Variants in CCDC3 observed in about 807,000 individuals in gnomAD.
CCDC3 encodes coiled-coil domain-containing protein 3.
A neutral mutation model predicts 21.4 loss-of-function variants in CCDC3; 24 were observed. That is an observed-to-expected ratio of 1.12 (90% CI 0.81 to 1.58). The LOEUF (loss-of-function observed/expected upper bound fraction) is 1.58, where lower values mean the gene tolerates loss of function less well. CCDC3 is among the 40% of genes most tolerant of loss of function. The pLI is 0.00. For synonymous variants in CCDC3, 186 were observed against 166.0 expected (o/e 1.12, Z -0.93); for missense variants, 425 against 360.9 (o/e 1.18, Z -1.44).
At chr10:13,048,708 T>C (rs1358498708) in intron 5 of CCDC3, among the ~76,000 whole-genome samples, 1 of 152,096 alleles carries the variant, frequency 6.6e-6, no homozygotes, top group Admixed American at 6.5e-5. Flanking sequence ...ATGAGTCAAC[T>C]TGGCAGGTCG....
intron 3 of CCDC3, among the ~76,000 whole-genome samples, chr10:13,077,439 G>C (rs961151147): frequency 5.3e-5 from 8 of 152,230 alleles, no homozygotes; most frequent in African/African-American, 1.9e-4. Flanking sequence ...ACTGCCCAAG[G>C]TAATTTATAG....
chr10:12,923,514 C>T (rs1387712040), intron 2 of CCDC3, among the ~76,000 whole-genome samples: 1 of 151,580 alleles, frequency 6.6e-6, no homozygotes, highest in Non-Finnish European at 1.5e-5. Context: ...CCCCTGACTG[C>T]CTGAAACCCA....
chr10:12,995,893 G>A (rs911428598), intron 2 of CCDC3, among the ~76,000 whole-genome samples: 12 of 152,282 alleles, frequency 7.9e-5, no homozygotes, highest in African/African-American at 2.6e-4. Flanking sequence ...CCAAATGATG[G>A]AAAAATCTAA....
chr10:13,084,433 G>A (rs1451286608), intron 3 of CCDC3, among the ~76,000 whole-genome samples: 1 of 151,790 alleles, frequency 6.6e-6, no homozygotes, highest in Non-Finnish European at 1.5e-5. Context: ...AGATTACAGG[G>A]ATGCACCACC....
intron 2 of CCDC3, among the ~76,000 whole-genome samples, chr10:12,953,399 C>G (rs1045043192): frequency 6.6e-6 from 1 of 152,214 alleles, no homozygotes; most frequent in African/African-American, 2.4e-5. Flanking sequence ...TCCCGCTCCA[C>G]TAGCTCATGT....
At chr10:12,943,931 A>G (rs1834875852) in intron 2 of CCDC3, among the ~76,000 whole-genome samples, 1 of 152,026 alleles carries the variant, frequency 6.6e-6, no homozygotes, top group South Asian at 2.1e-4. Context: ...ACCCCAGACA[A>G]CGTTGCTGCT....
At chr10:13,074,311 C>T (rs958693131) in intron 3 of CCDC3, among the ~76,000 whole-genome samples, 2 of 143,634 alleles carry the variant, frequency 1.4e-5, no homozygotes, top group African/African-American at 5.1e-5. Flanking sequence ...GCATGCACCA[C>T]CATATCCCGG....
rs192708032 is a variant in CCDC3, at chr10:12,946,491, G to T, written c.550-47812C>A. 2.6e-3 allele frequency among the ~76,000 whole-genome samples: 397 copies of T among 152,192 alleles called. 6 individuals carry two copies. In the East Asian group the frequency reaches 0.037, roughly 14 times the overall value. On this transcript the variant is annotated intron_variant, in intron 2 of 2. Coordinates refer to ENST00000378825, the MANE Select transcript of CCDC3 (RefSeq NM_031455.4). ...CAAATCCTAGGCAGCCAACTGATCC[G>T]ATCATGCCCAATAAGACAAATGCCC...
Position 12,957,175 on chromosome 10 carries a change from C to T in CCDC3, c.549+41163G>A, listed in dbSNP as rs186731609. Among the ~76,000 whole-genome samples the T allele has an allele frequency of 2.6e-5, 4 of 152,288 alleles. No homozygotes were observed. The East Asian group carries it at 7.7e-4, about 29-fold the overall frequency. On this transcript the variant is annotated intron_variant, in intron 2 of 2. Coordinates refer to ENST00000378825, the MANE Select transcript of CCDC3 (RefSeq NM_031455.4). ...AGCAGGCCCAGATGGCCTAAGCACA[C>T]TGACCAACCCCCCTGGCCACTTTGT...
intron 2 of CCDC3, among the ~76,000 whole-genome samples, chr10:12,923,863 T>A (rs1378586590): frequency 3.9e-5 from 6 of 152,198 alleles, no homozygotes. Flanking sequence ...CTGTCATGTG[T>A]ATCTTTGCAA....
intron 2 of CCDC3, among the ~76,000 whole-genome samples, chr10:12,960,168 A>ACCACACAC (rs1554756648): frequency 1.3e-5 from 2 of 148,748 alleles, no homozygotes; most frequent in Non-Finnish European, 3.0e-5. Flanking sequence ...ACACACACAC[A>ACCACACAC]ACACACACAC....
At chr10:13,080,560 A>T (rs1328765130) in intron 3 of CCDC3, among the ~76,000 whole-genome samples, 1 of 152,210 alleles carries the variant, frequency 6.6e-6, no homozygotes, top group African/African-American at 2.4e-5. Flanking sequence ...TTAAAAGGTT[A>T]AAAAAAGGTG....
chr10:12,899,111 G>T (rs1223352254), intron 2 of CCDC3, among the ~76,000 whole-genome samples: 2 of 151,850 alleles, frequency 1.3e-5, no homozygotes, highest in East Asian at 3.9e-4. Context: ...ATCAATGCTG[G>T]CCTGTCCAAC....
intron 4 of CCDC3, among the ~76,000 whole-genome samples, chr10:13,062,357 G>T (rs72779517): frequency 0.017 from 2,521 of 152,218 alleles, 25 homozygotes; most frequent in Non-Finnish European, 0.028. Context: ...CCCATTGTAT[G>T]TACATAAGAT....
intron 2 of CCDC3, among the ~76,000 whole-genome samples, chr10:12,982,121 CAAAAAAAAA>C (rs71386135): frequency 6.0e-5 from 2 of 33,250 alleles, no homozygotes; most frequent in Non-Finnish European, 1.0e-4. Context: ...GACTCTGTCT[CAAAAAAAAA>C]AAAAAAAAAA....
chr10:12,972,962 G>A (rs956373305), intron 2 of CCDC3, among the ~76,000 whole-genome samples: 4 of 152,186 alleles, frequency 2.6e-5, no homozygotes, highest in Admixed American at 6.5e-5. Context: ...GCTGCAGCTC[G>A]TGACCAGGCA....
At chr10:12,958,999 A>G (rs899770989) in intron 2 of CCDC3, among the ~76,000 whole-genome samples, 1 of 152,184 alleles carries the variant, frequency 6.6e-6, no homozygotes, top group African/African-American at 2.4e-5. Context: ...AGTAAGGTCC[A>G]CCATTGCCAA....
intron 2 of CCDC3, chr10:12,924,561 G>GCC (rs1834503886): frequency 1.3e-5 from 2 of 152,202 alleles, no homozygotes; most frequent in Admixed American, 1.3e-4. Context: ...TCTACGAGAG[G>GCC]CCCAAGGTTA....
intron 4 of CCDC3, among the ~76,000 whole-genome samples, chr10:13,059,486 C>T (rs570235073): frequency 1.3e-5 from 2 of 152,198 alleles, no homozygotes; most frequent in South Asian, 4.2e-4. Context: ...AAATATTGGA[C>T]ATGTTGAATT....
Sources: gnomAD v4.1 joint callset for allele counts (sites outside exome capture counted in the v4.1 genomes callset) on GRCh38, gnomAD v4.1.1 for gene constraint, MANE v1.5 for transcripts, NCBI Gene and HGNC (gene_info 2026-07-23, HGNC 2026-07-21) for gene names.